Variants in TRHDE observed in about 807,000 individuals in gnomAD.
TRHDE encodes thyrotropin releasing hormone degrading enzyme, also known as thyrotropin-releasing hormone-degrading ectoenzyme.
Under a neutral mutation model 125.7 loss-of-function variants are expected in TRHDE, and 72 were observed. That is an observed-to-expected ratio of 0.57 (90% CI 0.47 to 0.70). The LOEUF (loss-of-function observed/expected upper bound fraction) is 0.70. Ranked by LOEUF, TRHDE falls within the 30% of genes least tolerant of loss-of-function variation. TRHDE has a pLI of 0.00. For synonymous variants in TRHDE, 509 were observed against 509.1 expected, an observed-to-expected ratio of 1.00 and a Z score of 0.00; for missense variants, 1,110 against 1,327.1, an observed-to-expected ratio of 0.84 and a Z score of 2.54.
chr12:72,275,221 C>T (rs951331689), intron 1 of TRHDE, among the ~76,000 whole-genome samples: 4 of 152,174 alleles, frequency 2.6e-5, no homozygotes, highest in Non-Finnish European at 4.4e-5. Context: ...TTTGGAAACT[C>T]TCAGAAGAAG....
At chr12:72,369,518 C>A (rs1231307271) in intron 2 of TRHDE, among the ~76,000 whole-genome samples, 1 of 152,080 alleles carries the variant, frequency 6.6e-6, no homozygotes, top group Non-Finnish European at 1.5e-5. Context: ...ATTTTCTCTT[C>A]AAAATAAATG....
chr12:72,200,280 T>C (rs1387311687), intron 2 of TRHDE, among the ~76,000 whole-genome samples: 2 of 152,084 alleles, frequency 1.3e-5, no homozygotes, highest in Non-Finnish European at 2.9e-5. Context: ...TTTGTGGATG[T>C]ATTGAGGAGA....
intron 12 of TRHDE, among the ~76,000 whole-genome samples, chr12:72,606,148 C>T (rs1300879491): frequency 2.6e-5 from 4 of 152,156 alleles, no homozygotes; most frequent in African/African-American, 9.7e-5. Flanking sequence ...GGTTGTGATA[C>T]TCACGAATTT....
chr12:72,413,363 CA>C (rs1211401505), intron 3 of TRHDE, among the ~76,000 whole-genome samples: 1 of 151,712 alleles, frequency 6.6e-6, no homozygotes, highest in Non-Finnish European at 1.5e-5. Flanking sequence ...GACTATTGAG[CA>C]CTTGAAATGT....
At position 72,579,902 on chromosome 12, in the gene TRHDE, A is replaced by AT. The variant is rs528809129; in HGVS notation, c.2321+4368dup. On this transcript the variant is annotated intron_variant, in intron 12 of 18. Coordinates refer to ENST00000261180, the MANE Select transcript of TRHDE (RefSeq NM_013381.3). ...TAATGCAAATGCCCATATTTTAGAG[A>AT]TTTTTTTTATTTTGCCTAACTGCTC... is the stretch of plus-strand genomic sequence containing the variant. Among the ~76,000 whole-genome samples the AT allele has an allele frequency of 2.1e-4, 32 of 152,026 alleles. No individual in the cohort carries two copies. The South Asian group carries it at 2.5e-3, about 12-fold the overall frequency.
intron 2 of TRHDE, among the ~76,000 whole-genome samples, chr12:72,352,598 A>G (rs572724680): frequency 1.0e-3 from 152 of 151,910 alleles, no homozygotes; most frequent in South Asian, 4.3e-3. Context: ...GATCTGGGCT[A>G]GGCAGTTTGT....
intron 6 of TRHDE, among the ~76,000 whole-genome samples, chr12:72,507,582 T>A (rs1299642219): frequency 6.6e-6 from 1 of 152,194 alleles, no homozygotes; most frequent in Non-Finnish European, 1.5e-5. Context: ...TGTGAGATGA[T>A]CTGAAATTGT....
At chr12:72,661,068 A>G (rs1012218369) in intron 18 of TRHDE, among the ~76,000 whole-genome samples, 2 of 152,174 alleles carry the variant, frequency 1.3e-5, no homozygotes, top group African/African-American at 4.8e-5. Flanking sequence ...TAAGATACAT[A>G]TGAGGCACCT....
intron 6 of TRHDE, among the ~76,000 whole-genome samples, chr12:72,506,743 A>C (rs1055682697): frequency 6.6e-6 from 1 of 152,174 alleles, no homozygotes; most frequent in African/African-American, 2.4e-5. Context: ...CTCCCAGGCT[A>C]CCCTTGATCC....
chr12:72,509,391 T>G (rs1878491966), intron 6 of TRHDE, among the ~76,000 whole-genome samples: 1 of 152,110 alleles, frequency 6.6e-6, no homozygotes, highest in African/African-American at 2.4e-5. Flanking sequence ...TTATTTTATT[T>G]CTTATCTATC....
At chr12:72,659,179 C>T (rs1874819836) in intron 18 of TRHDE, among the ~76,000 whole-genome samples, 1 of 152,198 alleles carries the variant, frequency 6.6e-6, no homozygotes, top group Admixed American at 6.5e-5. Flanking sequence ...AGTAAAGACG[C>T]TTACATTGTT....
intron 10 of TRHDE, 27 bp downstream of exon 10, chr12:72,568,683 AG>A: frequency 1.3e-6 from 2 of 1,500,884 alleles, no homozygotes; most frequent in South Asian, 1.2e-5. Context: ...CCCCTGAGGA[AG>A]TATCTGGTTT....
At chr12:72,089,450 T>C (rs114343577) in intron 1 of TRHDE, among the ~76,000 whole-genome samples, 3,388 of 152,348 alleles carry the variant, frequency 0.022, 142 homozygotes, top group African/African-American at 0.078. Flanking sequence ...CATTACTTTT[T>C]GCTCTCTTCC....
intron 3 of TRHDE, among the ~76,000 whole-genome samples, chr12:72,392,100 AG>A (rs2135792052): frequency 6.6e-6 from 1 of 152,284 alleles, no homozygotes; most frequent in East Asian, 1.9e-4. Context: ...CCAGGAACAG[AG>A]TCATCACCAG....
At chr12:72,374,833 G>A (rs1336028568) in intron 2 of TRHDE, among the ~76,000 whole-genome samples, 1 of 152,062 alleles carries the variant, frequency 6.6e-6, no homozygotes, top group Non-Finnish European at 1.5e-5. Flanking sequence ...GAGTTCAAGG[G>A]AGACTAAAAA....
chr12:72,594,465 G>A (rs895286438), intron 12 of TRHDE, among the ~76,000 whole-genome samples: 12 of 148,724 alleles, frequency 8.1e-5, no homozygotes, highest in Admixed American at 2.7e-4. Context: ...TCATCCACCC[G>A]CCTTGGCCTC....
At chr12:72,401,828 G>A (rs1873054509) in intron 3 of TRHDE, among the ~76,000 whole-genome samples, 2 of 152,102 alleles carry the variant, frequency 1.3e-5, no homozygotes, top group South Asian at 4.1e-4. Context: ...TGAATAGTAA[G>A]CTATTAGGTG....
intron 9 of TRHDE, among the ~76,000 whole-genome samples, chr12:72,566,474 T>G (rs1870452448): frequency 1.3e-5 from 2 of 151,356 alleles, no homozygotes; most frequent in Non-Finnish European, 2.9e-5. Flanking sequence ...AAGTGCTGTA[T>G]GTATGTGGTA....
intron 5 of TRHDE, among the ~76,000 whole-genome samples, chr12:72,488,659 T>G (rs1271489672): frequency 3.3e-5 from 5 of 151,994 alleles, no homozygotes; most frequent in African/African-American, 1.2e-4. Flanking sequence ...ATGAACCTAG[T>G]AGACATATAT....
Sources: gnomAD v4.1 joint callset for allele counts (sites outside exome capture counted in the v4.1 genomes callset) on GRCh38, gnomAD v4.1.1 for gene constraint, MANE v1.5 for transcripts, NCBI Gene and HGNC (gene_info 2026-07-23, HGNC 2026-07-21) for gene names.